TYW1: variants seen among roughly 807,000 people sequenced by gnomAD.
TYW1 encodes tRNA-yW synthesizing protein 1 homolog, also known as S-adenosyl-L-methionine-dependent tRNA 4-demethylwyosine synthase TYW1.
Under a neutral mutation model 96.2 loss-of-function variants are expected in TYW1, and 46 were observed. The ratio of observed to expected loss-of-function variants is 0.48; its 90% confidence interval spans 0.38 to 0.61. The LOEUF (loss-of-function observed/expected upper bound fraction) is 0.61. TYW1 is among the 20% of genes least tolerant of loss of function. The probability of loss-of-function intolerance (pLI) is 0.00; values close to 1 mark genes in which losing one functional copy is unlikely to be tolerated. For missense variants in TYW1, 684 were observed against 909.6 expected, an observed-to-expected ratio of 0.75 and a Z score of 3.19; for synonymous variants, 274 against 323.0, an observed-to-expected ratio of 0.85 and a Z score of 1.63.
chr7:67,040,828 A>G (rs1010096054), intron 7 of TYW1, among the ~76,000 whole-genome samples: 1 of 151,934 alleles, frequency 6.6e-6, no homozygotes, highest in Non-Finnish European at 1.5e-5. Context: ...TGGGTGACAG[A>G]GTGAGACCCT....
chr7:67,067,170 A>T (rs1795892167), intron 9 of TYW1, 115 bp from the exon 10 acceptor site: 12 of 1,198,918 alleles, frequency 1.0e-5, no homozygotes, highest in Admixed American at 3.5e-5. Flanking sequence ...TGCAGTTACC[A>T]GTAGGAGTAT....
chr7:67,036,807 T>C (rs1308680137), intron 7 of TYW1, among the ~76,000 whole-genome samples: 2 of 152,220 alleles, frequency 1.3e-5, no homozygotes, highest in African/African-American at 4.8e-5. Context: ...CATGAACTGG[T>C]CACACAACAG....
chr7:67,023,430 A>G (rs1794346052), intron 6 of TYW1, among the ~76,000 whole-genome samples: 1 of 152,070 alleles, frequency 6.6e-6, no homozygotes, highest in African/African-American at 2.4e-5. Context: ...AGTTACTGAG[A>G]AAGTACCTGC....
At chr7:67,203,091 T>TATCA (rs1395453351) in intron 15 of TYW1, among the ~76,000 whole-genome samples, 1 of 152,234 alleles carries the variant, frequency 6.6e-6, no homozygotes. Flanking sequence ...AAAACTGTTC[T>TATCA]ATCACCACAA....
chr7:67,067,473 C>T (rs563146431), intron 10 of TYW1, 70 bp downstream of exon 10: 3 of 1,544,166 alleles, frequency 1.9e-6, no homozygotes, highest in Admixed American at 3.4e-5. Flanking sequence ...GCCCAGCTCA[C>T]ACTCAGACTT....
intron 3 of TYW1, among the ~76,000 whole-genome samples, chr7:67,008,062 C>T (rs1298459698): frequency 6.6e-6 from 1 of 152,180 alleles, no homozygotes; most frequent in Non-Finnish European, 1.5e-5. Flanking sequence ...GCACCACTGC[C>T]TCCTCAGGTT....
In TYW1 at chr7:67,179,097, C is replaced by T. The variant is rs1231877256; in HGVS notation, c.1699-4029C>T. ...CAGAGCAGGGCTAACTCATAGGCAG[C>T]GCACCCAGAATGGGCATTGTATGGG... On this transcript the variant is annotated intron_variant, in intron 13 of 15. Coordinates refer to ENST00000359626, the MANE Select transcript of TYW1 (RefSeq NM_018264.4). Among the ~76,000 whole-genome samples the T allele has an allele frequency of 2.2e-5, 3 of 139,112 alleles. 1 individual carries two copies. The highest frequency in any genetic ancestry group is 4.6e-5 in the Non-Finnish European group (3 of 64,530). 91.3% of individuals were successfully genotyped at this position (139,112 alleles called of 152,430 possible).
intron 7 of TYW1, among the ~76,000 whole-genome samples, chr7:67,034,671 T>G (rs1794778192): frequency 6.6e-6 from 1 of 152,192 alleles, no homozygotes; most frequent in Non-Finnish European, 1.5e-5. Flanking sequence ...TCCTGTCATA[T>G]TAGATGAATT....
At position 66,998,916 on chromosome 7, in the gene TYW1, G is replaced by C; in HGVS notation, c.235G>C (p.Val79Leu). Residue 79 changes from valine to leucine, a missense_variant, in exon 3 of 16, where the codon GTG (valine) becomes CTG (leucine). Physicochemically the swap from Val to Leu is conservative, Grantham distance 32. Coordinates refer to ENST00000359626, the MANE Select transcript of TYW1 (RefSeq NM_018264.4). ...AGAGAAAGACATCTTTGTGTCTGGAGTGAAGATTTTTTATGGTTCTCAGAC... is the reference window on the plus strand; with the variant it reads ...AGAGAAAGACATCTTTGTGTCTGGACTGAAGATTTTTTATGGTTCTCAGAC... ...LQEKDIFVSG[V>L]KIFYGSQTGT... 6.2e-7 allele frequency: 1 copy of C among 1,614,130 alleles called. No individual in the cohort carries two copies. The highest frequency in any genetic ancestry group is 8.5e-7 in the Non-Finnish European group (1 of 1,180,020).
chr7:67,182,125 G>A (rs1226729448), intron 13 of TYW1, among the ~76,000 whole-genome samples: 6 of 152,136 alleles, frequency 3.9e-5, no homozygotes, highest in Non-Finnish European at 5.9e-5. Context: ...CACCACACCC[G>A]GCCTTAAGCC....
At chr7:67,227,018 AAAT>A (rs1801582534) in intron 15 of TYW1, among the ~76,000 whole-genome samples, 3 of 152,216 alleles carry the variant, frequency 2.0e-5, no homozygotes, top group Admixed American at 2.0e-4. Flanking sequence ...GTAGAAATGA[AAAT>A]AATATGAATG....
chr7:67,184,637 ATTTTAT>A (rs1365366395), intron 14 of TYW1, among the ~76,000 whole-genome samples: 136 of 53,030 alleles, frequency 2.6e-3, no homozygotes, highest in Admixed American at 4.0e-3. Flanking sequence ...ATTTTATTTT[ATTTTAT>A]TTTATTTATG....
At chr7:67,122,021 C>T (rs1371393538) in intron 13 of TYW1, among the ~76,000 whole-genome samples, 4 of 150,502 alleles carry the variant, frequency 2.7e-5, no homozygotes, top group Non-Finnish European at 5.9e-5. Flanking sequence ...AGAAATATAT[C>T]TTATACAAGA....
chr7:67,205,647 A>G (rs147050987), intron 15 of TYW1, among the ~76,000 whole-genome samples: 8,679 of 149,622 alleles, frequency 0.058, 385 homozygotes, highest in South Asian at 0.093. Context: ...GAAGGTGGGA[A>G]TCTAGGTTCC....
At chr7:67,235,493 C>G (rs1239855567) in intron 15 of TYW1, among the ~76,000 whole-genome samples, 1 of 152,024 alleles carries the variant, frequency 6.6e-6, no homozygotes, top group African/African-American at 2.4e-5. Context: ...TGAAGCAGTC[C>G]CTTTTATTCC....
intron 13 of TYW1, among the ~76,000 whole-genome samples, chr7:67,150,749 C>T (rs1216685837): frequency 6.6e-6 from 1 of 151,612 alleles, no homozygotes; most frequent in Non-Finnish European, 1.5e-5. Context: ...TTGTTTTGTC[C>T]TGTGTTTGTG....
At chr7:67,211,675 A>T (rs1447947317) in intron 15 of TYW1, among the ~76,000 whole-genome samples, 3 of 152,284 alleles carry the variant, frequency 2.0e-5, no homozygotes, top group African/African-American at 7.2e-5. Flanking sequence ...CCCCTTGCTC[A>T]TCTGTAAATT....
intron 3 of TYW1, among the ~76,000 whole-genome samples, chr7:67,007,697 C>T (rs1277612604): frequency 2.0e-5 from 3 of 151,970 alleles, no homozygotes; most frequent in Admixed American, 1.3e-4. Context: ...CAGTGTGGCA[C>T]GATCTCGGCT....
chr7:67,072,348 A>G (rs377301119), intron 10 of TYW1, among the ~76,000 whole-genome samples: 55 of 149,542 alleles, frequency 3.7e-4, no homozygotes, highest in East Asian at 6.0e-4. Context: ...CTGGGTTCAC[A>G]CCATTCTCCT....
Sources: allele counts gnomAD v4.1 joint callset (sites outside exome capture counted in the v4.1 genomes callset), GRCh38; gene constraint gnomAD v4.1.1; transcripts MANE v1.5; gene names NCBI Gene and HGNC (gene_info 2026-07-23, HGNC 2026-07-21).